DENND5B: variants seen among roughly 807,000 people sequenced by gnomAD.
DENND5B encodes the protein DENN domain containing 5B.
A neutral mutation model predicts 140.6 loss-of-function variants in DENND5B; 34 were observed. The observed-to-expected ratio is 0.24, with a 90% CI of 0.18 to 0.32. DENND5B has a LOEUF of 0.32. DENND5B is among the 10% of genes least tolerant of loss of function. The pLI is 1.00. For missense variants in DENND5B, 1,142 were observed against 1,560.2 expected (o/e 0.73, Z 4.52); for synonymous variants, 551 against 562.1 (o/e 0.98, Z 0.28).
At chr12:31,576,590 G>C (rs928132941) in intron 1 of DENND5B, among the ~76,000 whole-genome samples, 3 of 152,180 alleles carry the variant, frequency 2.0e-5, no homozygotes, top group Non-Finnish European at 4.4e-5. Context: ...ACATTTCCAA[G>C]AGTTTTTTCA....
rs1268511289 is a variant in DENND5B, at chr12:31,422,109, G to T, written c.2470+1488C>A. On this transcript the variant is annotated intron_variant, in intron 11 of 20. Coordinates refer to ENST00000389082, the MANE Select transcript of DENND5B (RefSeq NM_144973.4). ...GCCCTCTAGGGGCAGTGAGGGAAAA[G>T]AAATTAGGATGAATAAAAGGGTCTT... Among the ~76,000 whole-genome samples, 7 of 151,922 alleles carry T rather than the reference G, an allele frequency of 4.6e-5. No homozygotes were observed. In the East Asian group the frequency reaches 1.2e-3, roughly 25 times the overall value.
intron 6 of DENND5B, among the ~76,000 whole-genome samples, chr12:31,443,139 G>C (rs1008378887): frequency 6.6e-6 from 1 of 152,112 alleles, no homozygotes; most frequent in Non-Finnish European, 1.5e-5. Context: ...GCAATGGCGC[G>C]ATCTCAGCTC....
intron 19 of DENND5B, among the ~76,000 whole-genome samples, chr12:31,389,996 A>G (rs1163041191): frequency 2.0e-5 from 3 of 152,078 alleles, no homozygotes; most frequent in Non-Finnish European, 4.4e-5. Context: ...TAGGCATTCC[A>G]GAAGAAAAAA....
At chr12:31,424,444 A>ATTTT in intron 10 of DENND5B, 91 bp downstream of exon 10, 1 of 1,276,158 alleles carries the variant, frequency 7.8e-7, no homozygotes, top group Non-Finnish European at 1.0e-6. Context: ...AAAAGAGCCT[A>ATTTT]TTTTTTTTTA....
chr12:31,543,705 A>G (rs555101497), intron 1 of DENND5B, among the ~76,000 whole-genome samples: 3 of 152,352 alleles, frequency 2.0e-5, no homozygotes, highest in East Asian at 3.9e-4. Context: ...GGAAAATTAG[A>G]AAACAGAAAG....
chr12:31,460,016 T>C (rs1944942128), intron 4 of DENND5B, among the ~76,000 whole-genome samples, 178 bp downstream of exon 4: 6 of 152,230 alleles, frequency 3.9e-5, no homozygotes, highest in Admixed American at 2.6e-4. Flanking sequence ...AATGACTATG[T>C]AGTAGTCATC....
chr12:31,418,282 CTTTT>C (rs66507414), intron 11 of DENND5B, among the ~76,000 whole-genome samples: 1 of 133,064 alleles, frequency 7.5e-6, no homozygotes, highest in Non-Finnish European at 1.6e-5. Context: ...TTTTTCTTTT[CTTTT>C]TTTTTTTTTT....
At chr12:31,446,029 G>T (rs901211993) in intron 6 of DENND5B, among the ~76,000 whole-genome samples, 16 of 151,538 alleles carry the variant, frequency 1.1e-4, no homozygotes, top group Non-Finnish European at 1.5e-5. Flanking sequence ...AAAAAAATTC[G>T]TGAACACCTG....
chr12:31,447,987 A>C (rs1944344028), intron 5 of DENND5B, among the ~76,000 whole-genome samples: 1 of 152,184 alleles, frequency 6.6e-6, no homozygotes, highest in Non-Finnish European at 1.5e-5. Context: ...TTACCTTACA[A>C]AATTTACATT....
At chr12:31,491,278 C>T (rs984592242) in intron 2 of DENND5B, among the ~76,000 whole-genome samples, 2 of 152,130 alleles carry the variant, frequency 1.3e-5, no homozygotes, top group South Asian at 2.1e-4. Flanking sequence ...CATAGGGAGA[C>T]CCCGTCTCTA....
chr12:31,449,914 G>C (rs1023529004), intron 5 of DENND5B, among the ~76,000 whole-genome samples: 1 of 151,794 alleles, frequency 6.6e-6, no homozygotes, highest in African/African-American at 2.4e-5. Flanking sequence ...TGTATTTTTA[G>C]TAGAGACGAG....
At chr12:31,588,811 T>C (rs546180874) in intron 1 of DENND5B, among the ~76,000 whole-genome samples, 1 of 152,298 alleles carries the variant, frequency 6.6e-6, no homozygotes, top group East Asian at 1.9e-4. Context: ...CTGTCCCCAG[T>C]GCCTAAAAAA....
At chr12:31,449,731 G>GTGTTTTTTTT in intron 5 of DENND5B, among the ~76,000 whole-genome samples, 1 of 89,954 alleles carries the variant, frequency 1.1e-5, no homozygotes, top group Non-Finnish European at 2.1e-5. Flanking sequence ...ACACAGATTA[G>GTGTTTTTTTT]TTTTTTTTTT....
chr12:31,492,224 G>A (rs1946555830), intron 2 of DENND5B, among the ~76,000 whole-genome samples: 1 of 152,158 alleles, frequency 6.6e-6, no homozygotes, highest in African/African-American at 2.4e-5. Flanking sequence ...AATAACCTCA[G>A]GGGCAAGGAG....
At chr12:31,480,609 A>G (rs1946031684) in intron 2 of DENND5B, among the ~76,000 whole-genome samples, 1 of 152,180 alleles carries the variant, frequency 6.6e-6, no homozygotes, top group Non-Finnish European at 1.5e-5. Flanking sequence ...CTTTATCTAC[A>G]ATAGTTGCTG....
intron 1 of DENND5B, among the ~76,000 whole-genome samples, chr12:31,511,865 T>C (rs1947430483): frequency 6.6e-6 from 1 of 151,632 alleles, no homozygotes; most frequent in Non-Finnish European, 1.5e-5. Flanking sequence ...TTCAAAGCCT[T>C]GACTATATAT....
chr12:31,475,701 A>G (rs1424855690), intron 3 of DENND5B, among the ~76,000 whole-genome samples: 3 of 152,126 alleles, frequency 2.0e-5, no homozygotes, highest in Non-Finnish European at 2.9e-5. Context: ...GTGAGCTACG[A>G]TCATGTCACT....
At chr12:31,475,192 C>T (rs892419379) in intron 3 of DENND5B, among the ~76,000 whole-genome samples, 1 of 152,026 alleles carries the variant, frequency 6.6e-6, no homozygotes, top group Non-Finnish European at 1.5e-5. Flanking sequence ...TATACAATGC[C>T]TTTTTGTAGC....
intron 3 of DENND5B, among the ~76,000 whole-genome samples, chr12:31,471,461 ATT>A (rs747862984): frequency 3.8e-4 from 42 of 111,900 alleles, no homozygotes; most frequent in African/African-American, 1.3e-3. Flanking sequence ...CCATGCCTGT[ATT>A]TTTTTTTTTT....
Sources: allele counts gnomAD v4.1 joint callset (sites outside exome capture counted in the v4.1 genomes callset), GRCh38; gene constraint gnomAD v4.1.1; transcripts MANE v1.5; gene names NCBI Gene and HGNC (gene_info 2026-07-23, HGNC 2026-07-21).